Variants in LYRM4 observed in about 807,000 individuals in gnomAD.
LYRM4 encodes the protein LYR motif-containing protein 4.
A neutral mutation model predicts 11.7 loss-of-function variants in LYRM4; 9 were observed. The ratio of observed to expected loss-of-function variants is 0.77; its 90% confidence interval spans 0.46 to 1.34. LYRM4 has a LOEUF of 1.34. Among genes scored for constraint, LYRM4 ranks in the 40% most tolerant of loss-of-function variants. LYRM4 has a pLI of 0.00. For missense variants in LYRM4, 133 were observed against 112.5 expected (o/e 1.18, Z -0.82); for synonymous variants, 42 against 40.4 (o/e 1.04, Z -0.15).
At position 5,234,963 on chromosome 6, in the gene LYRM4, C is replaced by T. The variant is rs542858100; in HGVS notation, c.87-18225G>A. 2.3e-3 allele frequency among the ~76,000 whole-genome samples: 353 copies of T among 152,276 alleles called. 1 individual carries two copies. Among genetic ancestry groups the T allele is most frequent in the Non-Finnish European group, 3.0e-3 (203 of 68,006 alleles). On this transcript the variant is annotated intron_variant, in intron 1 of 2. Coordinates refer to ENST00000330636, the MANE Select transcript of LYRM4 (RefSeq NM_020408.6). ...CTCAGGTTCACTGCCAGCTGCACTC[C>T]AGAGCTTTGTACCTGGCACACTGCT...
At chr6:5,101,392 T>C (rs1459163203), downstream of LYRM4, among the ~76,000 whole-genome samples, 6 of 152,388 alleles carry the variant, frequency 3.9e-5, no homozygotes, top group East Asian at 1.2e-3. Context: ...CTAATAGTTA[T>C]TGCTTACTGT....
intron 2 of LYRM4, among the ~76,000 whole-genome samples, chr6:5,130,401 C>T (rs1763898448): frequency 6.6e-6 from 1 of 152,246 alleles, no homozygotes; most frequent in Non-Finnish European, 1.5e-5. Context: ...TGGCATTGCA[C>T]AGGGGACCTG....
At chr6:5,187,162 G>C (rs1049452488) in intron 2 of LYRM4, among the ~76,000 whole-genome samples, 1 of 152,156 alleles carries the variant, frequency 6.6e-6, no homozygotes, top group Non-Finnish European at 1.5e-5. Flanking sequence ...TAACAGAGGC[G>C]ATACTACCTT....
At chr6:5,085,058 A>G in the LYRM4 span, 1 of 183,844 alleles carries the variant, frequency 5.4e-6, no homozygotes, top group Non-Finnish European at 1.1e-5. Flanking sequence ...ACTTCGAGGC[A>G]CTCAAGAAGC....
intron 1 of LYRM4, among the ~76,000 whole-genome samples, chr6:5,253,830 G>T (rs1415079847): frequency 1.8e-5 from 1 of 54,426 alleles, no homozygotes; most frequent in Non-Finnish European, 3.1e-5. Context: ...GCCTCATGCT[G>T]AGCAAAAAAA....
intron 2 of LYRM4, among the ~76,000 whole-genome samples, chr6:5,188,886 C>T (rs1032146514): frequency 4.6e-5 from 7 of 152,166 alleles, no homozygotes; most frequent in Admixed American, 2.6e-4. Context: ...ACCTCAGCCT[C>T]GCAAGTAGCT....
chr6:5,086,114 C>T, the LYRM4 span: 7 of 1,464,752 alleles, frequency 4.8e-6, no homozygotes, highest in Non-Finnish European at 6.3e-6. Context: ...AGCGCCGCGG[C>T]CGAGCGTCTG....
intron 1 of LYRM4, among the ~76,000 whole-genome samples, chr6:5,226,859 A>G (rs962911750): frequency 2.0e-5 from 3 of 152,236 alleles, no homozygotes; most frequent in African/African-American, 7.2e-5. Context: ...TAATGATTTT[A>G]AAGTTCCTAT....
intron 1 of LYRM4, among the ~76,000 whole-genome samples, chr6:5,249,655 C>A (rs9392666): frequency 0.31 from 47,150 of 151,972 alleles, 9,791 homozygotes; most frequent in African/African-American, 0.59. Context: ...TCACAGATCC[C>A]GACAACAGCC....
intron 2 of LYRM4, among the ~76,000 whole-genome samples, chr6:5,132,322 G>A (rs1421041048): frequency 1.3e-5 from 2 of 152,130 alleles, no homozygotes; most frequent in Non-Finnish European, 1.5e-5. Flanking sequence ...GAGAAACTGA[G>A]TAACCTGTGT....
At chr6:5,189,584 G>T (rs1187517947) in intron 2 of LYRM4, among the ~76,000 whole-genome samples, 1 of 152,194 alleles carries the variant, frequency 6.6e-6, no homozygotes, top group Non-Finnish European at 1.5e-5. Flanking sequence ...CAGCCGCAAG[G>T]CACCATGAAG....
chr6:5,082,411 T>TG, the LYRM4 span, among the ~76,000 whole-genome samples: 2 of 152,150 alleles, frequency 1.3e-5, no homozygotes, highest in African/African-American at 4.8e-5. Context: ...ATTCCTCTTC[T>TG]GGGGGTCCCT....
the LYRM4 span, among the ~76,000 whole-genome samples, chr6:5,054,934 G>T: frequency 6.6e-6 from 1 of 152,120 alleles, no homozygotes; most frequent in African/African-American, 2.4e-5. Context: ...TGTCTCTTGT[G>T]GGGGAAATTT....
chr6:5,037,981 C>T, the LYRM4 span, among the ~76,000 whole-genome samples: 967 of 58,526 alleles, frequency 0.017, 304 homozygotes, highest in African/African-American at 0.041. Context: ...GGGTGGCTGC[C>T]GGGCGGAGAC....
chr6:5,128,857 G>C (rs1261807013), intron 2 of LYRM4, among the ~76,000 whole-genome samples: 1 of 152,250 alleles, frequency 6.6e-6, no homozygotes, highest in African/African-American at 2.4e-5. Context: ...AGCACCTGGA[G>C]GGAGCAGATG....
chr6:5,187,563 T>C (rs2127686664), intron 2 of LYRM4, among the ~76,000 whole-genome samples: 1 of 149,980 alleles, frequency 6.7e-6, no homozygotes, highest in Non-Finnish European at 1.5e-5. Flanking sequence ...TGAGAACACC[T>C]GGACACAGGG....
chr6:5,246,443 G>C (rs1273609567), intron 1 of LYRM4, among the ~76,000 whole-genome samples: 2 of 152,166 alleles, frequency 1.3e-5, no homozygotes, highest in African/African-American at 4.8e-5. Flanking sequence ...TTTAATTGGA[G>C]AAACCACTGA....
At chr6:5,093,837 A>G in the LYRM4 span, among the ~76,000 whole-genome samples, 1,590 of 152,352 alleles carry the variant, frequency 0.01, 14 homozygotes, top group Non-Finnish European at 0.016. Flanking sequence ...CACCATTGTA[A>G]TATCACTGAA....
rs148088480 is a variant in LYRM4, at chr6:5,160,067, TCTTA to T, written c.208-50580_208-50577del. Among the ~76,000 whole-genome samples the T allele has an allele frequency of 3.0e-3, 450 of 152,268 alleles. 3 individuals carry two copies. The highest frequency in any genetic ancestry group is 9.6e-3 in the African/African-American group (400 of 41,554). ...GAGGACCACCCATCCGGAAGTGAGG[TCTTA>T]CTTCTCTGGATTCCATTAGCTTGGT... On this transcript the variant is annotated intron_variant, in intron 2 of 2. Transcript: ENST00000330636.
Sources: gnomAD v4.1 joint callset for allele counts (sites outside exome capture counted in the v4.1 genomes callset) on GRCh38, gnomAD v4.1.1 for gene constraint, MANE v1.5 for transcripts, NCBI Gene and HGNC (gene_info 2026-07-23, HGNC 2026-07-21) for gene names.